IL20RB: variants seen among roughly 807,000 people sequenced by gnomAD.
The protein encoded by IL20RB is interleukin-20 receptor subunit beta.
IL20RB carries 21 observed loss-of-function variants against 33.3 expected under a neutral mutation model. The observed-to-expected ratio is 0.63, with a 90% CI of 0.45 to 0.91. The LOEUF is 0.91. Among genes scored for constraint, IL20RB ranks in the 40% least tolerant of loss-of-function variants. The pLI is 0.00. For missense variants in IL20RB, 345 were observed against 384.8 expected (o/e 0.90, Z 0.86); for synonymous variants, 147 against 146.8 (o/e 1.00, Z -0.01).
At chr3:136,994,695 A>G (rs1942093631) in intron 5 of IL20RB, among the ~76,000 whole-genome samples, 1 of 152,204 alleles carries the variant, frequency 6.6e-6, no homozygotes, top group Admixed American at 6.5e-5. Flanking sequence ...CCAGATGCTC[A>G]GATCGGGCCT....
chr3:136,983,437 A>C lies in IL20RB; in HGVS notation c.406+1087A>C, dbSNP rs200167255. The stretch of plus-strand genomic sequence containing the variant: ...CACTCTGGCTGCTGTGTGGAAAGTG[A>C]ACCAGAGTAGGGCAAGCCTGCAGGA... On this transcript the variant is annotated intron_variant, in intron 3 of 6. Transcript: ENST00000329582. Among the ~76,000 whole-genome samples the C allele has an allele frequency of 9.2e-5, 14 of 152,324 alleles. No homozygotes were observed. The East Asian group carries it at 2.3e-3, about 25-fold the overall frequency.
In IL20RB at chr3:136,992,024, G is replaced by C; in HGVS notation, c.618G>C (p.Gln206His). 6.2e-7 allele frequency: 1 copy of C among 1,614,214 alleles called. No homozygotes were observed. Among genetic ancestry groups the C allele is most frequent in the Non-Finnish European group, 8.5e-7 (1 of 1,180,040 alleles). ...GGGCTGCATACTGTGTGAAGGCCCA[G>C]ACATTCGTGAAGGCCATTGGGAGGT... ...EPGAAYCVKA[Q>H]TFVKAIGRYS... The change falls in exon 5 of 7, where the codon CAG (glutamine) becomes CAC (histidine). Residue 206 changes from glutamine (Q) to histidine (H), a missense_variant. Transcript: ENST00000329582.
intron 6 of IL20RB, among the ~76,000 whole-genome samples, chr3:137,003,808 A>C (rs1404837345): frequency 6.6e-6 from 1 of 152,170 alleles, no homozygotes; most frequent in African/African-American, 2.4e-5. Flanking sequence ...ACTATGTTGA[A>C]TAGGAGTGGT....
At chr3:136,961,134 G>C (rs148492251) in intron 1 of IL20RB, among the ~76,000 whole-genome samples, 198 of 152,324 alleles carry the variant, frequency 1.3e-3, no homozygotes, top group African/African-American at 4.5e-3. Context: ...GTTAGACCTA[G>C]GCTAATTTCC....
At chr3:137,003,493 G>A (rs1318836722) in intron 6 of IL20RB, among the ~76,000 whole-genome samples, 2 of 152,166 alleles carry the variant, frequency 1.3e-5, no homozygotes, top group Non-Finnish European at 2.9e-5. Context: ...CACATCCCTT[G>A]TAAGCTGGAT....
chr3:136,992,156 C>T, intron 5 of IL20RB, 68 bp downstream of exon 5: 2 of 1,528,828 alleles, frequency 1.3e-6, no homozygotes, highest in Non-Finnish European at 1.8e-6. Context: ...ATCTCAGAGG[C>T]CTGCTGGGTT....
chr3:136,989,653 C>A, intron 4 of IL20RB, 88 bp downstream of exon 4: 1 of 1,479,752 alleles, frequency 6.8e-7, no homozygotes. Flanking sequence ...TGCCCCTGCT[C>A]ACTGGGTGAC....
At position 136,995,426 on chromosome 3, in the gene IL20RB, C is replaced by T. The variant is rs779751196; in HGVS notation, c.695C>T (p.Pro232Leu). ...CTTTTGTTTCCAGGAGAGGCCATTC[C>T]CCTGGTACTGGCCCTGTTTGCCTTT... Reference protein sequence around the residue: ...ECVEVQGEAIPLVLALFAFVG... With the variant: ...ECVEVQGEAILLVLALFAFVG... Residue 232 changes from proline to leucine, a missense_variant, in exon 6 of 7, where the codon CCC (proline) becomes CTC (leucine). Pro to Leu is a moderately conservative substitution (Grantham distance 98, BLOSUM62 -3). Coordinates refer to ENST00000329582, the MANE Select transcript of IL20RB (RefSeq NM_144717.4). The T allele has an allele frequency of 2.5e-6, 4 of 1,613,930 alleles. No individual in the cohort carries two copies. The highest frequency in any genetic ancestry group is 2.7e-5 in the African/African-American group (2 of 74,914).
rs1941888792 is a variant in IL20RB, at chr3:136,986,027, C to T, written c.407-3414C>T. On this transcript the variant is annotated intron_variant, in intron 3 of 6. Coordinates refer to ENST00000329582, the MANE Select transcript of IL20RB (RefSeq NM_144717.4). ...TCCCAGCACTTTGGGAGGCCAAAGC[C>T]AGTGGATCACGAGGTCAGGAGATCA... 2.0e-5 allele frequency among the ~76,000 whole-genome samples: 3 copies of T among 152,054 alleles called. No homozygotes were observed. The South Asian group carries it at 6.2e-4, about 31-fold the overall frequency.
intron 3 of IL20RB, among the ~76,000 whole-genome samples, chr3:136,987,949 G>T (rs549952579): frequency 6.6e-4 from 100 of 152,076 alleles, no homozygotes; most frequent in Admixed American, 3.1e-3. Flanking sequence ...GTGCAGCCCC[G>T]GTTCCAGCTC....
intron 6 of IL20RB, among the ~76,000 whole-genome samples, chr3:136,998,663 T>A (rs1160366565): frequency 6.6e-6 from 1 of 151,798 alleles, no homozygotes; most frequent in Non-Finnish European, 1.5e-5. Context: ...TCATTTTAAA[T>A]ATTAATTATA....
chr3:136,962,942 T>C (rs1437883548), intron 1 of IL20RB, among the ~76,000 whole-genome samples: 1 of 151,764 alleles, frequency 6.6e-6, no homozygotes, highest in African/African-American at 2.4e-5. Flanking sequence ...GTTAATAATA[T>C]TGCATTAATA....
chr3:136,979,667 G>T (rs11711599), intron 1 of IL20RB, among the ~76,000 whole-genome samples: 89,038 of 151,886 alleles, frequency 0.59, 26,717 homozygotes, highest in East Asian at 0.9. Flanking sequence ...GGGTACACTC[G>T]GGGCATACTT....
chr3:137,003,580 T>C (rs1577034106), intron 6 of IL20RB, among the ~76,000 whole-genome samples: 1 of 152,300 alleles, frequency 6.6e-6, no homozygotes, highest in East Asian at 1.9e-4. Flanking sequence ...CTGTTAACGG[T>C]GTATAGGAAT....
At chr3:136,970,560 G>T (rs998088850) in intron 1 of IL20RB, among the ~76,000 whole-genome samples, 11 of 152,120 alleles carry the variant, frequency 7.2e-5, no homozygotes, top group Non-Finnish European at 1.0e-4. Flanking sequence ...CCTGGAATTG[G>T]GTAGATTGAT....
chr3:136,976,618 G>T (rs1941624522), intron 1 of IL20RB, among the ~76,000 whole-genome samples: 1 of 152,180 alleles, frequency 6.6e-6, no homozygotes, highest in Non-Finnish European at 1.5e-5. Context: ...ATTGTCAGCT[G>T]CAGCCCATGC....
chr3:136,959,070 T>C (rs572496444), intron 1 of IL20RB: 1 of 151,692 alleles, frequency 6.6e-6, no homozygotes, highest in South Asian at 2.1e-4. Flanking sequence ...AACATCAAAT[T>C]TATGGTGTTC....
At chr3:136,966,100 G>A (rs1941342859) in intron 1 of IL20RB, among the ~76,000 whole-genome samples, 1 of 136,396 alleles carries the variant, frequency 7.3e-6, no homozygotes, top group African/African-American at 2.9e-5. Flanking sequence ...CGGTTTGCCA[G>A]TATTTTATTG....
At chr3:137,003,811 G>A (rs1345233840) in intron 6 of IL20RB, among the ~76,000 whole-genome samples, 1 of 152,208 alleles carries the variant, frequency 6.6e-6, no homozygotes, top group Non-Finnish European at 1.5e-5. Flanking sequence ...ATGTTGAATA[G>A]GAGTGGTGAG....
Sources: gnomAD v4.1 joint callset for allele counts (sites outside exome capture counted in the v4.1 genomes callset) on GRCh38, gnomAD v4.1.1 for gene constraint, MANE v1.5 for transcripts, NCBI Gene and HGNC (gene_info 2026-07-23, HGNC 2026-07-21) for gene names.